Variants in SLC35A5 observed in about 807,000 individuals in gnomAD.
SLC35A5 encodes solute carrier family 35 member A5.
Under a neutral mutation model 36.3 loss-of-function variants are expected in SLC35A5, and 28 were observed. The ratio of observed to expected loss-of-function variants is 0.77; its 90% CI spans 0.57 to 1.06. The LOEUF (loss-of-function observed/expected upper bound fraction) is 1.06, where lower values mean the gene tolerates loss of function less well. Ranked by LOEUF, SLC35A5 falls within the 50% of genes least tolerant of loss-of-function variation. SLC35A5 has a pLI of 0.00. For missense variants in SLC35A5, 521 were observed against 499.3 expected, an observed-to-expected ratio of 1.04 and a Z score of -0.41; for synonymous variants, 180 against 173.7, an observed-to-expected ratio of 1.04 and a Z score of -0.29.
At position 112,565,647 on chromosome 3, in the gene SLC35A5, G is replaced by A. The variant is rs188484319; in HGVS notation, c.130+2114G>A. On this transcript the variant is annotated intron_variant, in intron 2 of 6. Coordinates refer to ENST00000492406, the MANE Select transcript of SLC35A5 (RefSeq NM_017945.5). ...CAAAAAATTAGCTGGGTTTGTTGGC[G>A]TGTGCCTGTAATCCCAGCTATGAGG... Among the ~76,000 whole-genome samples the A allele has an allele frequency of 4.1e-3, 622 of 152,210 alleles. 18 individuals are homozygous for A. The highest frequency in any genetic ancestry group is 0.035 in the Admixed American group (542 of 15,294).
rs1935054950 is a variant in SLC35A5, at chr3:112,584,156, A to G, written c.*1420A>G. 1 of 152,176 alleles carries G rather than the reference A, an allele frequency of 6.6e-6. No homozygotes were observed. 9.4% of individuals were successfully genotyped at this position (152,176 alleles called of 1,614,324 possible). A position where few individuals can be genotyped will look rare whatever the true frequency, so the allele number is the denominator to read the frequency against. ...TGTAATTAAAATAATTATTAAACCT[A>G]TGTCTTGTGTTGCCACTCTGTCATT... On this transcript the variant is annotated 3_prime_UTR_variant, in exon 7 of 7. Transcript: ENST00000492406.
At chr3:112,569,090 T>G in intron 2 of SLC35A5, 81 bp from the exon 3 acceptor site, 10 of 1,153,504 alleles carry the variant, frequency 8.7e-6, no homozygotes, top group Non-Finnish European at 1.1e-5. Context: ...GCTTTTAAAT[T>G]TTAAAACAAT....
chr3:112,563,350 A>G (rs879070692), intron 1 of SLC35A5, 35 bp from the exon 2 acceptor site: 3 of 1,410,412 alleles, frequency 2.1e-6, no homozygotes, highest in Non-Finnish European at 2.8e-6. Flanking sequence ...GGGTCTGCCA[A>G]CAAGGTCGTT....
chr3:112,575,803 AG>A (rs1934644374), intron 5 of SLC35A5, among the ~76,000 whole-genome samples: 1 of 139,636 alleles, frequency 7.2e-6, no homozygotes, highest in Non-Finnish European at 1.5e-5. Flanking sequence ...TCTGTCACCC[AG>A]GCTGGAGTGC....
intron 4 of SLC35A5, 105 bp downstream of exon 4, chr3:112,570,775 G>GTCC: frequency 9.2e-7 from 1 of 1,084,380 alleles, no homozygotes; most frequent in Non-Finnish European, 1.3e-6. Flanking sequence ...GTTTCTCATT[G>GTCC]TCCTCACTGG....
Position 112,563,335 on chromosome 3 carries a change from G to A in SLC35A5, c.-19-50G>A, listed in dbSNP as rs1361980841. The A allele has an allele frequency of 3.6e-6, 5 of 1,390,020 alleles. No homozygotes were observed. The African/African-American group carries it at 7.2e-5, about 20-fold the overall frequency. 86.1% of individuals were successfully genotyped at this position (1,390,020 alleles called of 1,614,324 possible). Reference sequence around the variant, plus strand: ...TGTCCTCACGATCAATGGTATTTGCGTTTAGGGTCTGCCAACAAGGTCGTT... The same window carrying A: ...TGTCCTCACGATCAATGGTATTTGCATTTAGGGTCTGCCAACAAGGTCGTT... On this transcript the variant is annotated intron_variant, in intron 1 of 6. Coordinates refer to ENST00000492406, the MANE Select transcript of SLC35A5 (RefSeq NM_017945.5).
At chr3:112,563,298 A>C (rs1934025314) in intron 1 of SLC35A5, 87 bp from the exon 2 acceptor site, 1 of 1,293,078 alleles carries the variant, frequency 7.7e-7, no homozygotes, top group Non-Finnish European at 1.0e-6. Context: ...AATTTTTTAA[A>C]AATTCCTTTT....
rs1285340959 is a variant in SLC35A5 at position 112,583,231 on chromosome 3, C to T, written c.*495C>T. The T allele has an allele frequency of 1.0e-5, 4 of 396,892 alleles. No homozygotes were observed. Among genetic ancestry groups the T allele is most frequent in the Admixed American group, 4.4e-5 (1 of 22,686 alleles). 24.6% of individuals were successfully genotyped at this position (396,892 alleles called of 1,614,324 possible). On this transcript the variant is annotated 3_prime_UTR_variant, in exon 7 of 7. Transcript: ENST00000492406. ...AGAGCAACGGGACCCTTTCTAAAAACGTTGGTTGAAGGACCTAAATACCTG... is the reference window on the plus strand; with the variant it reads ...AGAGCAACGGGACCCTTTCTAAAAATGTTGGTTGAAGGACCTAAATACCTG...
At chr3:112,572,915 A>G (rs982507010) in intron 4 of SLC35A5, among the ~76,000 whole-genome samples, 3 of 152,120 alleles carry the variant, frequency 2.0e-5, no homozygotes, top group Non-Finnish European at 2.9e-5. Flanking sequence ...CCTCTTACTC[A>G]TCTCCTAACT....
At position 112,580,700 on chromosome 3, in the gene SLC35A5, T is replaced by G. The variant is rs140837136; in HGVS notation, c.583T>G (p.Phe195Val). ...FFSPSNSCLLFRSECPRKDNC... is the reference protein window; with the variant it reads ...FFSPSNSCLLVRSECPRKDNC... ...CAGCCCTTCCAATTCCTGCCTTCTTTTCAGAAGTGAGTGTCCCAGAAAAGA... is the reference window on the plus strand; with the variant it reads ...CAGCCCTTCCAATTCCTGCCTTCTTGTCAGAAGTGAGTGTCCCAGAAAAGA... The change falls in exon 6 of 7, where the codon TTC becomes GTC. Residue 195 changes from phenylalanine to valine, a missense_variant. Phe to Val is a conservative substitution (Grantham distance 50, BLOSUM62 -1). Transcript: ENST00000492406. The G allele has an allele frequency of 6.2e-7, 1 of 1,614,174 alleles. No individual in the cohort carries two copies. The highest frequency in any genetic ancestry group is 1.1e-5 in the South Asian group (1 of 91,088).
chr3:112,562,712 AGAG>A (rs750915523), intron 1 of SLC35A5, among the ~76,000 whole-genome samples: 4 of 152,186 alleles, frequency 2.6e-5, no homozygotes, highest in Non-Finnish European at 5.9e-5. Flanking sequence ...CCGAGGGAAA[AGAG>A]GAGGAAAATA....
chr3:112,581,436 C>G, intron 6 of SLC35A5, 110 bp downstream of exon 6: 1 of 1,146,082 alleles, frequency 8.7e-7, no homozygotes, highest in South Asian at 1.6e-5. Context: ...TGTATTGGAT[C>G]TCTGACTTTT....
intron 5 of SLC35A5, among the ~76,000 whole-genome samples, chr3:112,574,636 T>C (rs1576754892): frequency 6.6e-6 from 1 of 151,700 alleles, no homozygotes; most frequent in East Asian, 1.9e-4. Context: ...ATGATAATGA[T>C]TAAAAAATAA....
chr3:112,571,096 A>G (rs1337038072), intron 4 of SLC35A5, among the ~76,000 whole-genome samples: 1 of 152,258 alleles, frequency 6.6e-6, no homozygotes, highest in Non-Finnish European at 1.5e-5. Flanking sequence ...AATGTAGTTT[A>G]TATGAATTTT....
rs1935116155 is a variant in SLC35A5, at chr3:112,585,530, C to T, written c.*2794C>T. The T allele has an allele frequency of 6.6e-6, 1 of 151,158 alleles. No individual in the cohort carries two copies. 9.4% of individuals were successfully genotyped at this position (151,158 alleles called of 1,614,324 possible). ...TACCATATATACGCAATGTAACAAA[C>T]CTGTACATGTACCCCTTCAATCTGA... On this transcript the variant is annotated 3_prime_UTR_variant, in exon 7 of 7. Coordinates refer to ENST00000492406, the MANE Select transcript of SLC35A5 (RefSeq NM_017945.5).
Position 112,580,989 on chromosome 3 carries a change from A to T in SLC35A5, c.872A>T (p.Asp291Val). 1 of 1,614,126 alleles carries T rather than the reference A, an allele frequency of 6.2e-7. No individual in the cohort carries two copies. Among genetic ancestry groups the T allele is most frequent in the East Asian group, 2.2e-5 (1 of 44,882 alleles). ...LTLGLQRSNR[D>V]QIKNCGFFYG... ...CTGGGCCTTCAGAGGAGTAACCGTG[A>T]TCAGATTAAGAACTGTGGATTTTTT... is the stretch of plus-strand genomic sequence containing the variant. Residue 291 changes from aspartate (D) to valine (V), a missense_variant, in exon 6 of 7, where the codon GAT (aspartate) becomes GTT (valine). Coordinates refer to ENST00000492406, the MANE Select transcript of SLC35A5 (RefSeq NM_017945.5).
chr3:112,563,431 G>T lies in SLC35A5; in HGVS notation c.28G>T (p.Val10Leu), dbSNP rs766803215. The T allele has an allele frequency of 1.3e-6, 2 of 1,585,184 alleles. No individual in the cohort carries two copies. The highest frequency in any genetic ancestry group is 1.7e-6 in the Non-Finnish European group (2 of 1,158,532). ...GGAAAAACAGTGCTGTAGTCATCCTGTAATATGCTCCTTGTCAACAATGTA... is the reference window on the plus strand; with the variant it reads ...GGAAAAACAGTGCTGTAGTCATCCTTTAATATGCTCCTTGTCAACAATGTA... Reference protein sequence around the residue: MEKQCCSHPVICSLSTMYTF... With the variant: MEKQCCSHPLICSLSTMYTF... Residue 10 changes from valine (V) to leucine (L), a missense_variant, in exon 2 of 7, where the codon GTA becomes TTA. Physicochemically the swap from Val to Leu is conservative, Grantham distance 32 (BLOSUM62 1). Transcript: ENST00000492406.
rs527947236 is a variant in SLC35A5, at chr3:112,582,107, C to T, written c.1210-564C>T. Among the ~76,000 whole-genome samples, 6 of 152,180 alleles carry T rather than the reference C, an allele frequency of 3.9e-5. No homozygotes were observed. The South Asian group carries it at 1.2e-3, about 32-fold the overall frequency. On this transcript the variant is annotated intron_variant, in intron 6 of 6. Transcript: ENST00000492406. ...TTTAGATTTACAATTTTCTTGAGCA[C>T]ACAAAATATGAAATATTTTATACAG... is the stretch of plus-strand genomic sequence containing the variant.
chr3:112,571,876 A>T (rs36146261), intron 4 of SLC35A5, among the ~76,000 whole-genome samples: 10,055 of 151,328 alleles, frequency 0.066, 427 homozygotes, highest in Admixed American at 0.12. Flanking sequence ...GACACAGCCA[A>T]ACCCTATCAA....
Sources: gnomAD v4.1 joint callset for allele counts (sites outside exome capture counted in the v4.1 genomes callset) on GRCh38, gnomAD v4.1.1 for gene constraint, MANE v1.5 for transcripts, NCBI Gene and HGNC (gene_info 2026-07-23, HGNC 2026-07-21) for gene names.